Variants in FAT3 observed in about 807,000 individuals in gnomAD.
The protein encoded by FAT3 is FAT atypical cadherin 3.
FAT3 carries 95 observed loss-of-function variants against 310.2 expected under a neutral mutation model. The ratio of observed to expected loss-of-function variants is 0.31; its 90% CI spans 0.26 to 0.36. The LOEUF (loss-of-function observed/expected upper bound fraction) is 0.36. Among genes scored for constraint, FAT3 ranks in the 10% least tolerant of loss-of-function variants. The probability of loss-of-function intolerance (pLI) is 1.00; values close to 1 mark genes in which losing one functional copy is unlikely to be tolerated. For missense variants in FAT3, 5,408 were observed against 5,715.6 expected (o/e 0.95, Z 1.74); for synonymous variants, 2,314 against 2,192.9 (o/e 1.06, Z -1.54).
rs146199489 is a variant in FAT3 at position 92,782,503 on chromosome 11, T to A, written c.4336-7440T>A. Among the ~76,000 whole-genome samples the A allele has an allele frequency of 8.2e-3, 1,240 of 151,928 alleles. 15 individuals carry two copies. The highest frequency in any genetic ancestry group is 0.028 in the African/African-American group (1,172 of 41,412). On this transcript the variant is annotated intron_variant, in intron 7 of 27. Coordinates refer to ENST00000525166, the MANE Select transcript of FAT3 (RefSeq NM_001367949.2). ...AGGATGATCCCCTGAGCCTGGGAGG[T>A]CGAGGCTGCAGTGAGCCATGATCAC...
chr11:92,482,846 G>A (rs186147879), intron 2 of FAT3, among the ~76,000 whole-genome samples: 24 of 152,328 alleles, frequency 1.6e-4, no homozygotes, highest in Admixed American at 3.9e-4. Flanking sequence ...CTGAGAAAGC[G>A]AGAGGGAAAG....
intron 1 of FAT3, among the ~76,000 whole-genome samples, chr11:92,287,104 G>T (rs553203054): frequency 2.4e-4 from 36 of 152,108 alleles, no homozygotes; most frequent in African/African-American, 8.7e-4. Flanking sequence ...TCTTCAAATG[G>T]GTATTTTAAG....
At chr11:92,537,433 G>A (rs889417055) in intron 3 of FAT3, among the ~76,000 whole-genome samples, 2 of 152,120 alleles carry the variant, frequency 1.3e-5, no homozygotes, top group African/African-American at 4.8e-5. Context: ...TAACTCTGGT[G>A]ATATCTGTAT....
At chr11:92,830,944 T>G (rs1214133755) in intron 13 of FAT3, among the ~76,000 whole-genome samples, 1 of 152,162 alleles carries the variant, frequency 6.6e-6, no homozygotes, top group Non-Finnish European at 1.5e-5. Context: ...TCTCACCACT[T>G]CCGACACCAT....
chr11:92,626,159 T>C (rs1038714725), intron 3 of FAT3, among the ~76,000 whole-genome samples: 1 of 152,180 alleles, frequency 6.6e-6, no homozygotes, highest in South Asian at 2.1e-4. Context: ...CCCCAAAGCC[T>C]GAGTGAATTT....
At chr11:92,642,738 A>T (rs951729265) in intron 3 of FAT3, among the ~76,000 whole-genome samples, 1 of 152,182 alleles carries the variant, frequency 6.6e-6, no homozygotes, top group Non-Finnish European at 1.5e-5. Context: ...GTCATGACTG[A>T]CACTTCCCTC....
chr11:92,682,679 C>A (rs1437762325), intron 3 of FAT3, among the ~76,000 whole-genome samples: 1 of 152,142 alleles, frequency 6.6e-6, no homozygotes, highest in East Asian at 1.9e-4. Context: ...AGTACTGAAA[C>A]TTTTCATGCT....
intron 2 of FAT3, among the ~76,000 whole-genome samples, chr11:92,394,009 A>T (rs1316146484): frequency 6.6e-6 from 1 of 152,154 alleles, no homozygotes; most frequent in Admixed American, 6.6e-5. Context: ...GATGCTTGTC[A>T]AGGGTGGGGA....
intron 24 of FAT3, among the ~76,000 whole-genome samples, chr11:92,885,563 A>G (rs1304821925): frequency 6.6e-6 from 1 of 152,174 alleles, no homozygotes; most frequent in African/African-American, 2.4e-5. Flanking sequence ...ATGTATTTTA[A>G]GCAGTTGCCC....
At chr11:92,324,252 C>T (rs780671172) in intron 1 of FAT3, among the ~76,000 whole-genome samples, 4 of 152,360 alleles carry the variant, frequency 2.6e-5, no homozygotes, top group Non-Finnish European at 5.9e-5. Flanking sequence ...TCAGTCACAA[C>T]TTGGCTAATT....
At chr11:92,751,969 G>T (rs1053037716) in intron 4 of FAT3, among the ~76,000 whole-genome samples, 2 of 151,976 alleles carry the variant, frequency 1.3e-5, no homozygotes, top group African/African-American at 4.8e-5. Context: ...AGTGACAATC[G>T]TAGGTAAATG....
At chr11:92,789,875 A>T in intron 7 of FAT3, 68 bp from the exon 8 acceptor site, 1 of 1,525,726 alleles carries the variant, frequency 6.6e-7, no homozygotes, top group Non-Finnish European at 9.0e-7. Flanking sequence ...AAAAAGAGGG[A>T]GGGCATACTT....
intron 10 of FAT3, 84 bp from the exon 11 acceptor site, chr11:92,805,069 C>A: frequency 7.2e-7 from 1 of 1,384,552 alleles, no homozygotes; most frequent in Non-Finnish European, 9.8e-7. Flanking sequence ...ACCTGGATGA[C>A]TCCACATGCA....
At chr11:92,674,904 TA>T in intron 3 of FAT3, among the ~76,000 whole-genome samples, 1 of 152,318 alleles carries the variant, frequency 6.6e-6, no homozygotes, top group East Asian at 1.9e-4. Flanking sequence ...AGGAGCACGA[TA>T]AATGAGTTCT....
At chr11:92,890,215 G>T (rs1411105936) in intron 27 of FAT3, among the ~76,000 whole-genome samples, 2 of 152,168 alleles carry the variant, frequency 1.3e-5, no homozygotes, top group South Asian at 4.1e-4. Context: ...AGTACTCAGG[G>T]GTCCTGGAAC....
chr11:92,231,061 C>T (rs1248694289), intron 1 of FAT3, among the ~76,000 whole-genome samples: 2 of 152,186 alleles, frequency 1.3e-5, no homozygotes, highest in East Asian at 3.9e-4. Context: ...TTTGAGAAGA[C>T]TTCAGAATTT....
chr11:92,880,988 G>A lies in FAT3; in HGVS notation c.12281+104G>A, dbSNP rs80057475. On this transcript the variant is annotated intron_variant, in intron 23 of 27. Coordinates refer to ENST00000525166, the MANE Select transcript of FAT3 (RefSeq NM_001367949.2). ...AAAATATTTACCACTAATAGTACAG[G>A]CAAAGGGTTAACATCTGCACGATAC... 3.4e-4 allele frequency: 434 copies of A among 1,287,126 alleles called. 3 individuals carry two copies. The East Asian group carries it at 4.5e-3, about 13-fold the overall frequency. 79.7% of individuals were successfully genotyped at this position (1,287,126 alleles called of 1,614,324 possible).
intron 1 of FAT3, among the ~76,000 whole-genome samples, chr11:92,227,093 C>T (rs1269179477): frequency 6.6e-6 from 1 of 152,218 alleles, no homozygotes; most frequent in Non-Finnish European, 1.5e-5. Flanking sequence ...GACGCGCCCA[C>T]CCGGGGCTTG....
At chr11:92,500,021 G>T (rs1436859714) in intron 2 of FAT3, among the ~76,000 whole-genome samples, 1 of 151,960 alleles carries the variant, frequency 6.6e-6, no homozygotes, top group African/African-American at 2.4e-5. Context: ...GATAGTAAGG[G>T]TAAATAATGT....
Sources: gnomAD v4.1 joint callset for allele counts (sites outside exome capture counted in the v4.1 genomes callset) on GRCh38, gnomAD v4.1.1 for gene constraint, MANE v1.5 for transcripts, NCBI Gene and HGNC (gene_info 2026-07-23, HGNC 2026-07-21) for gene names.